Variants in KCNG2 observed in about 807,000 individuals in gnomAD.
The protein encoded by KCNG2 is potassium voltage-gated channel modifier subfamily G member 2, also known as voltage-gated potassium channel regulatory subunit KCNG2.
A neutral mutation model predicts 12.3 loss-of-function variants in KCNG2; 7 were observed. The ratio of observed to expected loss-of-function variants is 0.57; its 90% CI spans 0.32 to 1.07. The LOEUF (loss-of-function observed/expected upper bound fraction) is 1.07. Among genes scored for constraint, KCNG2 ranks in the 50% least tolerant of loss-of-function variants. KCNG2 has a pLI of 0.04. For synonymous variants in KCNG2, 414 were observed against 351.4 expected (o/e 1.18, Z -1.99); for missense variants, 703 against 726.0 (o/e 0.97, Z 0.36).
chr18:79,807,179 T>G (rs1488640832), intron 1 of KCNG2, among the ~76,000 whole-genome samples: 1 of 152,202 alleles, frequency 6.6e-6, no homozygotes, highest in East Asian at 1.9e-4. Context: ...GGGTCACACA[T>G]GCAGATGGAC....
chr18:79,868,996 A>C (rs12958903), intron 3 of KCNG2, among the ~76,000 whole-genome samples: 1 of 152,074 alleles, frequency 6.6e-6, no homozygotes. Flanking sequence ...GGCTGAGTCC[A>C]GCCACCACAC....
intron 1 of KCNG2, among the ~76,000 whole-genome samples, chr18:79,806,809 C>T (rs773082504): frequency 2.0e-5 from 3 of 152,178 alleles, no homozygotes; most frequent in Non-Finnish European, 2.9e-5. Context: ...AAAACCACTC[C>T]ACGCAAAATT....
chr18:79,808,086 C>T (rs2087466393), intron 1 of KCNG2, among the ~76,000 whole-genome samples: 1 of 127,890 alleles, frequency 7.8e-6, no homozygotes, highest in African/African-American at 3.2e-5. Context: ...GCCGGGGCCG[C>T]GCTGACCACA....
chr18:79,895,110 G>A (rs1980914441), intron 3 of KCNG2, among the ~76,000 whole-genome samples: 1 of 151,464 alleles, frequency 6.6e-6, no homozygotes, highest in Non-Finnish European at 1.5e-5. Context: ...CTTTTGATTG[G>A]GTTGTTCACT....
At chr18:79,837,249 A>C (rs1053330866) in intron 1 of KCNG2, among the ~76,000 whole-genome samples, 4 of 152,236 alleles carry the variant, frequency 2.6e-5, no homozygotes, top group African/African-American at 9.6e-5. Flanking sequence ...TCTCACATCC[A>C]GGTCACACTG....
At chr18:79,898,176 G>A (rs1286730907) in intron 3 of KCNG2, among the ~76,000 whole-genome samples, 1 of 152,174 alleles carries the variant, frequency 6.6e-6, no homozygotes, top group East Asian at 1.9e-4. Context: ...CATTGCAAAG[G>A]AAGTCAGTTC....
chr18:79,888,425 CGCG>C, intron 3 of KCNG2, among the ~76,000 whole-genome samples: 1 of 141,758 alleles, frequency 7.1e-6, no homozygotes, highest in African/African-American at 2.5e-5. Context: ...CTCATGAGGC[CGCG>C]GTGGGGCCGG....
intron 3 of KCNG2, among the ~76,000 whole-genome samples, chr18:79,873,748 C>T (rs888018099): frequency 6.6e-6 from 1 of 152,154 alleles, no homozygotes; most frequent in East Asian, 1.9e-4. Context: ...ATGGAGCGGC[C>T]GCGGTTAGAG....
Position 79,802,942 on chromosome 18 carries a change from G to C in KCNG2, c.-115+4928G>C, listed in dbSNP as rs1156634740. The stretch of plus-strand genomic sequence containing the variant: ...GCCTGTAATCCCAGCATTTTGGGAG[G>C]CTGAGGCGGGCAGATCACCTGAGGT... On this transcript the variant is annotated intron_variant, in intron 1 of 3. Coordinates refer to ENST00000316249, the MANE Select transcript of KCNG2 (RefSeq NM_012283.2). Among the ~76,000 whole-genome samples the C allele has an allele frequency of 2.0e-5, 3 of 152,206 alleles. No homozygotes were observed. In the East Asian group the frequency reaches 5.8e-4, roughly 29 times the overall value.
chr18:79,882,890 C>T (rs1472526004), intron 3 of KCNG2, among the ~76,000 whole-genome samples: 2 of 146,802 alleles, frequency 1.4e-5, no homozygotes, highest in South Asian at 4.2e-4. Context: ...GCGCGGAGGC[C>T]GGGTACATCT....
chr18:79,855,616 G>T (rs1189226090), intron 1 of KCNG2, among the ~76,000 whole-genome samples: 3 of 151,940 alleles, frequency 2.0e-5, no homozygotes, highest in Non-Finnish European at 4.4e-5. Context: ...TTTTTGACCT[G>T]GCCAAGCAGA....
intron 1 of KCNG2, among the ~76,000 whole-genome samples, chr18:79,815,406 C>G (rs958043563): frequency 2.7e-5 from 4 of 146,666 alleles, no homozygotes; most frequent in African/African-American, 1.0e-4. Context: ...CACCACTGCA[C>G]TCCAGTCCCA....
At chr18:79,815,441 CAAA>C (rs760919178) in intron 1 of KCNG2, among the ~76,000 whole-genome samples, 20 of 78,788 alleles carry the variant, frequency 2.5e-4, no homozygotes, top group Admixed American at 8.6e-4. Flanking sequence ...AACCCTGCCT[CAAA>C]AAAAAAAAAA....
intron 2 of KCNG2, among the ~76,000 whole-genome samples, chr18:79,860,785 A>G (rs368102664): frequency 6.6e-6 from 1 of 152,134 alleles, no homozygotes; most frequent in South Asian, 2.1e-4. Flanking sequence ...TTTTCTTTTG[A>G]GTGTGGATGC....
At chr18:79,798,780 C>T (rs988855966) in intron 1 of KCNG2, among the ~76,000 whole-genome samples, 2 of 152,230 alleles carry the variant, frequency 1.3e-5, no homozygotes, top group Non-Finnish European at 2.9e-5. Flanking sequence ...GAGAAGGGTC[C>T]CTCCTGCGGG....
At chr18:79,809,610 T>G (rs868120577) in intron 1 of KCNG2, among the ~76,000 whole-genome samples, 74 of 112,928 alleles carry the variant, frequency 6.6e-4, no homozygotes, top group East Asian at 2.5e-3. Flanking sequence ...CACGTTACGG[T>G]CCCAGAGTCC....
At chr18:79,826,058 G>C (rs1341281477) in intron 1 of KCNG2, among the ~76,000 whole-genome samples, 2 of 152,264 alleles carry the variant, frequency 1.3e-5, no homozygotes, top group South Asian at 2.1e-4. Context: ...TCTCGGCGTC[G>C]GGGCCTGTGC....
intron 3 of KCNG2, among the ~76,000 whole-genome samples, chr18:79,878,191 A>G (rs112281512): frequency 2.6e-4 from 39 of 152,374 alleles, no homozygotes; most frequent in African/African-American, 8.2e-4. Context: ...CTATTGACAC[A>G]CATTTTCTAG....
chr18:79,848,622 C>G (rs865811070), intron 1 of KCNG2, among the ~76,000 whole-genome samples: 30 of 152,240 alleles, frequency 2.0e-4, no homozygotes, highest in African/African-American at 7.0e-4. Flanking sequence ...GACTCGCACA[C>G]ACTTCCGGGG....
Sources: allele counts gnomAD v4.1 joint callset (sites outside exome capture counted in the v4.1 genomes callset), GRCh38; gene constraint gnomAD v4.1.1; transcripts MANE v1.5; gene names NCBI Gene and HGNC (gene_info 2026-07-23, HGNC 2026-07-21).